The following CFAP299 variants were observed in gnomAD, a reference collection of about 807,000 sequenced individuals.
The protein encoded by CFAP299 is cilia- and flagella-associated protein 299.
A neutral mutation model predicts 27.0 loss-of-function variants in CFAP299; 21 were observed. The ratio of observed to expected loss-of-function variants is 0.78; its 90% CI spans 0.55 to 1.12. The LOEUF is 1.12. Ranked by LOEUF, CFAP299 falls within the 50% of genes most tolerant of loss-of-function variation. CFAP299 has a pLI of 0.00. For synonymous variants in CFAP299, 104 were observed against 98.1 expected (o/e 1.06, Z -0.36); for missense variants, 310 against 276.6 (o/e 1.12, Z -0.86).
intron 2 of CFAP299, among the ~76,000 whole-genome samples, chr4:80,546,247 C>T (rs1734221560): frequency 1.3e-5 from 2 of 151,164 alleles, no homozygotes; most frequent in Non-Finnish European, 3.0e-5. Flanking sequence ...TACCAGAAGG[C>T]TTTTAGGACT....
intron 3 of CFAP299, among the ~76,000 whole-genome samples, chr4:80,599,566 A>AT (rs772652440): frequency 2.2e-3 from 335 of 151,432 alleles, no homozygotes; most frequent in Non-Finnish European, 3.8e-3. Flanking sequence ...CTGTCCTATT[A>AT]TTTTTTTTTA....
intron 2 of CFAP299, among the ~76,000 whole-genome samples, chr4:80,518,176 A>T (rs1418902526): frequency 1.3e-5 from 2 of 152,130 alleles, no homozygotes; most frequent in Non-Finnish European, 2.9e-5. Flanking sequence ...GACTTTGAAG[A>T]CATACAAGAT....
intron 4 of CFAP299, among the ~76,000 whole-genome samples, chr4:80,893,413 C>T (rs774622367): frequency 1.3e-5 from 2 of 151,612 alleles, no homozygotes; most frequent in Non-Finnish European, 2.9e-5. Context: ...GTCAAATACC[C>T]AAAGCAACCT....
intron 3 of CFAP299, among the ~76,000 whole-genome samples, chr4:80,758,258 G>A (rs1444087376): frequency 6.6e-6 from 1 of 152,124 alleles, no homozygotes; most frequent in East Asian, 1.9e-4. Flanking sequence ...GCTGAAAAGG[G>A]GACAGAGAGG....
At chr4:80,455,931 G>A (rs555597938) in intron 2 of CFAP299, among the ~76,000 whole-genome samples, 1 of 152,106 alleles carries the variant, frequency 6.6e-6, no homozygotes, top group East Asian at 1.9e-4. Context: ...TTTAGTTGGG[G>A]AAGGTAGACA....
At chr4:80,833,729 C>G (rs886414790) in intron 3 of CFAP299, among the ~76,000 whole-genome samples, 24 of 152,134 alleles carry the variant, frequency 1.6e-4, no homozygotes, top group Admixed American at 8.5e-4. Context: ...TGGAATCTAC[C>G]TCTGCACAGA....
At chr4:80,753,626 T>A (rs1390213656) in intron 3 of CFAP299, among the ~76,000 whole-genome samples, 1 of 152,186 alleles carries the variant, frequency 6.6e-6, no homozygotes, top group Admixed American at 6.5e-5. Flanking sequence ...CTGTTACACA[T>A]ACGTTGGACT....
Position 80,690,870 on chromosome 4 carries a change from G to C in CFAP299, c.333+107687G>C, listed in dbSNP as rs370247248. Among the ~76,000 whole-genome samples the C allele has an allele frequency of 3.1e-4, 47 of 149,994 alleles. 1 individual carries two copies. The South Asian group carries it at 9.5e-3, about 30-fold the overall frequency. On this transcript the variant is annotated intron_variant, in intron 3 of 5. Coordinates refer to ENST00000358105, the MANE Select transcript of CFAP299 (RefSeq NM_152770.3). ...AAATGATAAAGGGGATATCACCACT[G>C]ATCCCACAGAAATACAAACTACCAT... is the stretch of plus-strand genomic sequence containing the variant.
rs2110015166 is a variant in CFAP299, at chr4:80,377,011, C to A, written c.242+14127C>A. Among the ~76,000 whole-genome samples the A allele has an allele frequency of 1.3e-5, 2 of 152,248 alleles. 1 individual carries two copies. The highest frequency in any genetic ancestry group is 4.1e-4 in the South Asian group (2 of 4,824). On this transcript the variant is annotated intron_variant, in intron 2 of 5. Transcript: ENST00000358105. The stretch of plus-strand genomic sequence containing the variant: ...AAGTGTTCTTTATATATTCCAGTTA[C>A]AATTTTTTCATCAGATATGAGTCTT...
At chr4:80,412,574 G>A (rs377008462) in intron 2 of CFAP299, among the ~76,000 whole-genome samples, 4 of 152,268 alleles carry the variant, frequency 2.6e-5, no homozygotes, top group African/African-American at 9.6e-5. Flanking sequence ...GCCTCAGAGA[G>A]AGAAAGCTGA....
At chr4:80,577,397 A>ATTTTTTTTTTTTTTTTTTTT (rs34922224) in intron 2 of CFAP299, among the ~76,000 whole-genome samples, 1 of 98,824 alleles carries the variant, frequency 1.0e-5, no homozygotes, top group African/African-American at 4.1e-5. Flanking sequence ...ATTAGAAAAC[A>ATTTTTTTTTTTTTTTTTTTT]TTTTTTTTTT....
intron 2 of CFAP299, among the ~76,000 whole-genome samples, chr4:80,437,694 T>C (rs1728161822): frequency 6.6e-6 from 1 of 152,182 alleles, no homozygotes; most frequent in African/African-American, 2.4e-5. Flanking sequence ...CTTGAAAAGA[T>C]AGTCTGGAAC....
At chr4:80,480,919 T>C (rs922264539) in intron 2 of CFAP299, among the ~76,000 whole-genome samples, 6 of 152,104 alleles carry the variant, frequency 3.9e-5, no homozygotes, top group African/African-American at 1.4e-4. Flanking sequence ...AATTAAGTGC[T>C]ACCCTTAAAG....
At chr4:80,530,916 G>A (rs1332696464) in intron 2 of CFAP299, among the ~76,000 whole-genome samples, 1 of 152,170 alleles carries the variant, frequency 6.6e-6, no homozygotes, top group Non-Finnish European at 1.5e-5. Flanking sequence ...CAAGACCTGA[G>A]TGTGGAAGTC....
chr4:80,636,915 T>C (rs984136923), intron 3 of CFAP299, among the ~76,000 whole-genome samples: 14 of 152,198 alleles, frequency 9.2e-5, no homozygotes, highest in Non-Finnish European at 1.5e-4. Context: ...TATAGGTATA[T>C]ATTAGAAAAT....
At chr4:80,622,670 T>C (rs1264958384) in intron 3 of CFAP299, among the ~76,000 whole-genome samples, 1 of 151,944 alleles carries the variant, frequency 6.6e-6, no homozygotes, top group African/African-American at 2.4e-5. Flanking sequence ...ATAATATCAG[T>C]GAAAGATTAA....
intron 2 of CFAP299, among the ~76,000 whole-genome samples, chr4:80,554,796 A>C (rs557160447): frequency 6.6e-6 from 1 of 151,962 alleles, no homozygotes; most frequent in African/African-American, 2.4e-5. Context: ...TCTTGCTCTC[A>C]GCTTGGCTGT....
chr4:80,769,454 G>A (rs571185692), intron 3 of CFAP299, among the ~76,000 whole-genome samples: 1 of 152,232 alleles, frequency 6.6e-6, no homozygotes, highest in South Asian at 2.1e-4. Flanking sequence ...GAGTGTGGTG[G>A]TGTGATCTCG....
At chr4:80,602,450 A>G (rs1737404175) in intron 3 of CFAP299, among the ~76,000 whole-genome samples, 2 of 152,202 alleles carry the variant, frequency 1.3e-5, no homozygotes, top group African/African-American at 4.8e-5. Context: ...ATGGAAAACG[A>G]TGTAATTTTT....
Sources: allele counts gnomAD v4.1 joint callset (sites outside exome capture counted in the v4.1 genomes callset), GRCh38; gene constraint gnomAD v4.1.1; transcripts MANE v1.5; gene names NCBI Gene and HGNC (gene_info 2026-07-23, HGNC 2026-07-21).